Variants in AKAP13 observed in about 807,000 individuals in gnomAD.
The protein encoded by AKAP13 is A-kinase anchor protein 13.
AKAP13 carries 80 observed loss-of-function variants against 264.5 expected under a neutral mutation model. The observed-to-expected ratio is 0.30, with a 90% CI of 0.25 to 0.36. The LOEUF (loss-of-function observed/expected upper bound fraction) is 0.36, where lower values mean the gene tolerates loss of function less well. AKAP13 is among the 10% of genes least tolerant of loss of function. The probability of loss-of-function intolerance (pLI) is 1.00; values close to 1 mark genes in which losing one functional copy is unlikely to be tolerated. For missense variants in AKAP13, 3,712 were observed against 3,435.2 expected (o/e 1.08, Z -2.01); for synonymous variants, 1,380 against 1,250.2 (o/e 1.10, Z -2.19).
chr15:85,658,500 C>G (rs1172995730), intron 11 of AKAP13, 37 bp from the exon 12 acceptor site: 1 of 1,607,784 alleles, frequency 6.2e-7, no homozygotes, highest in African/African-American at 1.3e-5. Flanking sequence ...CATTTTGTTT[C>G]ACCTGCAACA....
rs750696213 is a variant in AKAP13 at position 85,658,680 on chromosome 15, C to T, written c.4799+90C>T. ...CATTCTGCTTAATCCATGATTGGAT[C>T]ATCTACTTTTAAGTAATGTCCCATC... On this transcript the variant is annotated intron_variant, in intron 12 of 36. Transcript: ENST00000394518. 168 of 1,164,382 alleles carry T rather than the reference C, an allele frequency of 1.4e-4. 1 individual carries two copies. The highest frequency in any genetic ancestry group is 1.3e-3 in the East Asian group (51 of 39,422). The allele number at this position is 1,164,382 out of a possible 1,614,324, so 72.1% of individuals were successfully genotyped here.
intron 1 of AKAP13, among the ~76,000 whole-genome samples, chr15:85,451,004 C>G (rs1175795580): frequency 6.6e-6 from 1 of 152,110 alleles, no homozygotes; most frequent in African/African-American, 2.4e-5. Context: ...CTTTGTAGGT[C>G]TCTAAGAACT....
Position 85,693,374 on chromosome 15 carries a change from C to T in AKAP13, c.5387C>T (p.Ser1796Phe), listed in dbSNP as rs1486678904. Reference sequence around the variant, plus strand: ...ACTGTCAACGGGCACACTTTCAGTTCCATTCCTGTTGTGGGTCCCATCAGC... The same window carrying T: ...ACTGTCAACGGGCACACTTTCAGTTTCATTCCTGTTGTGGGTCCCATCAGC... The part of the protein sequence containing the change: ...KKTVNGHTFS[S>F]IPVVGPISCS... The change falls in exon 17 of 37, where the codon TCC becomes TTC. Residue 1796 changes from serine (S) to phenylalanine (F), a missense_variant. By Grantham distance (155) the Ser-to-Phe change is radical. This residue lies in a region of AKAP13 where 2,759 missense variants were observed against 2,411.7 expected (regional missense o/e 1.14). Transcript: ENST00000394518. 3.1e-6 allele frequency: 5 copies of T among 1,613,816 alleles called. No individual in the cohort carries two copies. Among genetic ancestry groups the T allele is most frequent in the African/African-American group, 1.3e-5 (1 of 74,908 alleles).
intron 1 of AKAP13, among the ~76,000 whole-genome samples, chr15:85,485,002 G>T (rs1008711673): frequency 6.6e-6 from 1 of 152,068 alleles, no homozygotes; most frequent in Non-Finnish European, 1.5e-5. Flanking sequence ...AGGGTGTTTG[G>T]TAAAGGACCT....
chr15:85,584,393 AG>A (rs774491685), intron 7 of AKAP13, among the ~76,000 whole-genome samples: 2 of 152,180 alleles, frequency 1.3e-5, no homozygotes, highest in African/African-American at 2.4e-5. Context: ...CAAAGTTGAT[AG>A]GTATAGGAAA....
chr15:85,694,398 C>T (rs1042218135), intron 17 of AKAP13, among the ~76,000 whole-genome samples: 16 of 152,234 alleles, frequency 1.1e-4, no homozygotes, highest in Admixed American at 9.2e-4. Context: ...TTCTTGAACT[C>T]TGCAGTTGCA....
intron 1 of AKAP13, among the ~76,000 whole-genome samples, chr15:85,477,736 T>C (rs1268156907): frequency 6.6e-6 from 1 of 152,170 alleles, no homozygotes; most frequent in East Asian, 1.9e-4. Flanking sequence ...CACATTTATT[T>C]TTCCCTTGTA....
chr15:85,498,199 G>GATATAGATATATATATATATATATATAT lies in AKAP13; in HGVS notation c.33+12451_33+12452insGATATATATATATATATATATATATATA, dbSNP rs1467895169. Among the ~76,000 whole-genome samples, 38 of 133,078 alleles carry GATATAGATATATATATATATATATATAT rather than the reference G, an allele frequency of 2.9e-4. 1 individual carries two copies. The East Asian group carries it at 3.1e-3, about 11-fold the overall frequency. 87.3% of individuals were successfully genotyped at this position (133,078 alleles called of 152,430 possible). On this transcript the variant is annotated intron_variant, in intron 2 of 36. Coordinates refer to ENST00000394518, the MANE Select transcript of AKAP13 (RefSeq NM_007200.5). ...TGGTAGTAAGGATTAAATGAAGTGA[G>GATATAGATATATATATATATATATATAT]ATATATATATATATATATATATATA...
At chr15:85,591,849 G>A (rs1475861663) in intron 8 of AKAP13, among the ~76,000 whole-genome samples, 3 of 152,072 alleles carry the variant, frequency 2.0e-5, no homozygotes, top group Non-Finnish European at 2.9e-5. Flanking sequence ...CTTATTAGCC[G>A]TATGGAACAG....
intron 5 of AKAP13, among the ~76,000 whole-genome samples, chr15:85,563,721 G>A (rs2078499914): frequency 6.6e-6 from 1 of 152,146 alleles, no homozygotes; most frequent in African/African-American, 2.4e-5. Context: ...TTACTTGTTA[G>A]CAATGTGCTA....
intron 2 of AKAP13, among the ~76,000 whole-genome samples, chr15:85,519,896 C>T (rs1240088364): frequency 2.6e-5 from 4 of 152,126 alleles, no homozygotes; most frequent in Non-Finnish European, 4.4e-5. Flanking sequence ...CTCTTGTTGG[C>T]TTTAATTGTT....
intron 17 of AKAP13, chr15:85,702,731 T>G (rs1229239102): frequency 6.6e-6 from 1 of 152,208 alleles, no homozygotes; most frequent in African/African-American, 2.4e-5. Flanking sequence ...AAACTGGGAC[T>G]TTTTATCTCA....
At chr15:85,494,450 C>G (rs1404729250) in intron 2 of AKAP13, among the ~76,000 whole-genome samples, 1 of 152,146 alleles carries the variant, frequency 6.6e-6, no homozygotes, top group Admixed American at 6.6e-5. Context: ...AAGAATTAGG[C>G]GACGTGGATG....
At position 85,533,866 on chromosome 15, in the gene AKAP13, A is replaced by T. The variant is rs115160225; in HGVS notation, c.464A>T (p.Asp155Val). The stretch of plus-strand genomic sequence containing the variant: ...ACGGAGTGGAATGTATTGGGGACAG[A>T]TCAGAGTTTGCATGGTGAGAATTTA... ...LPTEWNVLGT[D>V]QSLHDAGPRE... Residue 155 changes from aspartate (D) to valine (V), a missense_variant, in exon 4 of 37, where the codon GAT becomes GTT. Asp to Val is a radical substitution (Grantham distance 152). This residue lies in a region of AKAP13 where 2,759 missense variants were observed against 2,411.7 expected (regional missense o/e 1.14). Coordinates refer to ENST00000394518, the MANE Select transcript of AKAP13 (RefSeq NM_007200.5). The T allele has an allele frequency of 6.3e-7, 1 of 1,586,144 alleles. No homozygotes were observed. The highest frequency in any genetic ancestry group is 8.6e-7 in the Non-Finnish European group (1 of 1,166,434).
intron 2 of AKAP13, among the ~76,000 whole-genome samples, chr15:85,492,017 A>G (rs1460540794): frequency 1.3e-5 from 2 of 152,204 alleles, no homozygotes; most frequent in African/African-American, 4.8e-5. Flanking sequence ...TTACCCAGAA[A>G]TGGTTACTCT....
intron 30 of AKAP13, among the ~76,000 whole-genome samples, chr15:85,733,648 T>C (rs1329391786): frequency 1.3e-5 from 2 of 152,172 alleles, no homozygotes. Context: ...TTTTAATACT[T>C]TTGATCTCTT....
intron 1 of AKAP13, among the ~76,000 whole-genome samples, chr15:85,474,977 G>A (rs1422965817): frequency 6.6e-6 from 1 of 152,132 alleles, no homozygotes; most frequent in South Asian, 2.1e-4. Flanking sequence ...AACAGGTCTC[G>A]CATTTGTCCA....
chr15:85,419,970 C>G (rs1182636763), intron 1 of AKAP13, among the ~76,000 whole-genome samples: 2 of 111,674 alleles, frequency 1.8e-5, no homozygotes, highest in Admixed American at 1.4e-4. Context: ...GAGACGGAGT[C>G]TCGCTCTGTT....
At chr15:85,660,542 G>C (rs1204505180) in intron 12 of AKAP13, among the ~76,000 whole-genome samples, 1 of 152,054 alleles carries the variant, frequency 6.6e-6, no homozygotes, top group Non-Finnish European at 1.5e-5. Flanking sequence ...TGTATGTTCA[G>C]TTACTGATTT....
Sources: gnomAD v4.1 joint callset for allele counts (sites outside exome capture counted in the v4.1 genomes callset) on GRCh38, gnomAD v4.1.1 for gene constraint, gnomAD v4.1.1 regional missense constraint, MANE v1.5 for transcripts, NCBI Gene and HGNC (gene_info 2026-07-23, HGNC 2026-07-21) for gene names.